Variants in ARHGAP15 observed in about 807,000 individuals in gnomAD.
ARHGAP15 encodes rho GTPase-activating protein 15.
In ARHGAP15, 51 loss-of-function variants were observed where a neutral mutation model predicts 63.7. That is an observed-to-expected ratio of 0.80 (90% CI 0.64 to 1.01). The LOEUF (loss-of-function observed/expected upper bound fraction) is 1.01. Among genes scored for constraint, ARHGAP15 ranks in the 50% least tolerant of loss-of-function variants. ARHGAP15 has a pLI of 0.00. For synonymous variants in ARHGAP15, 191 were observed against 193.8 expected (o/e 0.99, Z 0.12); for missense variants, 560 against 564.6 (o/e 0.99, Z 0.08).
chr2:143,370,501 TAAA>T (rs1252868297), intron 6 of ARHGAP15, among the ~76,000 whole-genome samples: 1 of 133,196 alleles, frequency 7.5e-6, no homozygotes, highest in Admixed American at 7.8e-5. Flanking sequence ...AGTATAATAA[TAAA>T]AAAGTAGTAC....
intron 12 of ARHGAP15, among the ~76,000 whole-genome samples, chr2:143,701,422 C>A (rs1684085525): frequency 6.6e-6 from 1 of 152,148 alleles, no homozygotes; most frequent in Non-Finnish European, 1.5e-5. Context: ...GTACACAGGG[C>A]TTATTTTCTT....
chr2:143,593,324 A>C (rs1697391247), intron 11 of ARHGAP15: 1 of 152,162 alleles, frequency 6.6e-6, no homozygotes, highest in Non-Finnish European at 1.5e-5. Flanking sequence ...AATGGCTATC[A>C]CCCAGGAATC....
At chr2:143,710,411 A>C (rs1162698903) in intron 13 of ARHGAP15, among the ~76,000 whole-genome samples, 1 of 152,216 alleles carries the variant, frequency 6.6e-6, no homozygotes, top group African/African-American at 2.4e-5. Flanking sequence ...TAATCATTAA[A>C]ATGTCATCTA....
At chr2:143,247,010 C>T (rs752638900) in intron 5 of ARHGAP15, among the ~76,000 whole-genome samples, 1 of 152,164 alleles carries the variant, frequency 6.6e-6, no homozygotes, top group Non-Finnish European at 1.5e-5. Context: ...GGTAAACACA[C>T]CTGATAGCAA....
intron 6 of ARHGAP15, among the ~76,000 whole-genome samples, chr2:143,337,579 A>G (rs182261518): frequency 4.7e-4 from 72 of 152,304 alleles, no homozygotes; most frequent in South Asian, 2.5e-3. Context: ...CAATTTTGAT[A>G]TGAAATTAGC....
At chr2:143,673,784 A>ATGTATATATATATATGT (rs71404481) in intron 12 of ARHGAP15, among the ~76,000 whole-genome samples, 2 of 114,198 alleles carry the variant, frequency 1.8e-5, no homozygotes, top group African/African-American at 5.7e-5. Context: ...ATATATATAT[A>ATGTATATATATATATGT]AACAACTCCT....
chr2:143,595,486 T>G (rs1697478703), intron 11 of ARHGAP15, among the ~76,000 whole-genome samples: 14 of 152,164 alleles, frequency 9.2e-5, no homozygotes, highest in Admixed American at 9.2e-4. Context: ...CCATCTTCGC[T>G]TACACATTTG....
intron 6 of ARHGAP15, among the ~76,000 whole-genome samples, chr2:143,428,040 C>T (rs186219148): frequency 8.6e-4 from 131 of 152,120 alleles, no homozygotes; most frequent in African/African-American, 3.0e-3. Flanking sequence ...ATTATTATAG[C>T]ATAGTGGGGG....
chr2:143,372,349 T>TAAAAAAAAAAAAA (rs35140789), intron 6 of ARHGAP15, among the ~76,000 whole-genome samples: 1 of 114,200 alleles, frequency 8.8e-6, no homozygotes, highest in Non-Finnish European at 1.8e-5. Context: ...GTAGTCGATT[T>TAAAAAAAAAAAAA]AAAAAAAAAA....
intron 10 of ARHGAP15, among the ~76,000 whole-genome samples, chr2:143,525,172 C>T (rs1021762525): frequency 6.6e-6 from 1 of 152,098 alleles, no homozygotes; most frequent in African/African-American, 2.4e-5. Flanking sequence ...TGGATCCAGG[C>T]ACGCACTAAA....
chr2:143,738,808 C>T (rs1466896550), intron 13 of ARHGAP15, among the ~76,000 whole-genome samples: 4 of 152,164 alleles, frequency 2.6e-5, no homozygotes, highest in Non-Finnish European at 2.9e-5. Flanking sequence ...ATGTCCTTAA[C>T]GCCAGGTTAA....
chr2:143,587,270 T>C (rs1697142048), intron 11 of ARHGAP15, among the ~76,000 whole-genome samples: 1 of 152,194 alleles, frequency 6.6e-6, no homozygotes, highest in South Asian at 2.1e-4. Context: ...TCTTCCCTCA[T>C]CTTGGTGCAG....
At chr2:143,323,165 T>G (rs1259005028) in intron 6 of ARHGAP15, among the ~76,000 whole-genome samples, 1 of 152,242 alleles carries the variant, frequency 6.6e-6, no homozygotes, top group Non-Finnish European at 1.5e-5. Flanking sequence ...TTATGTTATG[T>G]GTGAGAGTGT....
chr2:143,152,151 G>T (rs73962352), intron 1 of ARHGAP15, among the ~76,000 whole-genome samples: 216 of 152,030 alleles, frequency 1.4e-3, no homozygotes, highest in African/African-American at 4.9e-3. Flanking sequence ...CAATCATTCA[G>T]CCAGATGAAA....
chr2:143,357,786 TAAA>T (rs1685870730), intron 6 of ARHGAP15, among the ~76,000 whole-genome samples: 1 of 152,048 alleles, frequency 6.6e-6, no homozygotes, highest in Non-Finnish European at 1.5e-5. Flanking sequence ...AAAGATGAAT[TAAA>T]AAGTCGAATC....
chr2:143,135,381 C>G (rs985149386), intron 1 of ARHGAP15, among the ~76,000 whole-genome samples: 1 of 152,126 alleles, frequency 6.6e-6, no homozygotes, highest in Non-Finnish European at 1.5e-5. Context: ...TAGTCCAATT[C>G]CATTCAACTC....
intron 11 of ARHGAP15, among the ~76,000 whole-genome samples, chr2:143,620,607 A>C (rs1030626227): frequency 6.6e-6 from 1 of 152,190 alleles, no homozygotes; most frequent in Admixed American, 6.5e-5. Context: ...GAACACAGTG[A>C]TTTTAAACAT....
chr2:143,518,536 G>A (rs1693921076), intron 9 of ARHGAP15, among the ~76,000 whole-genome samples: 1 of 152,204 alleles, frequency 6.6e-6, no homozygotes, highest in Non-Finnish European at 1.5e-5. Context: ...AAAAATAAAT[G>A]CATGTTAAAC....
intron 8 of ARHGAP15, among the ~76,000 whole-genome samples, chr2:143,463,728 A>G (rs1461770846): frequency 6.6e-6 from 1 of 152,156 alleles, no homozygotes; most frequent in African/African-American, 2.4e-5. Context: ...CCTTTTGTAA[A>G]ATAATATACC....
Sources: gnomAD v4.1 joint callset for allele counts (sites outside exome capture counted in the v4.1 genomes callset) on GRCh38, gnomAD v4.1.1 for gene constraint, MANE v1.5 for transcripts, NCBI Gene and HGNC (gene_info 2026-07-23, HGNC 2026-07-21) for gene names.